Variants in VTI1A observed in about 807,000 individuals in gnomAD.
VTI1A encodes vesicle transport through interaction with t-SNAREs 1A, also known as vesicle transport through interaction with t-SNAREs homolog 1A.
A neutral mutation model predicts 34.9 loss-of-function variants in VTI1A; 22 were observed. The ratio of observed to expected loss-of-function variants is 0.63; its 90% confidence interval spans 0.45 to 0.90. The LOEUF (loss-of-function observed/expected upper bound fraction) is 0.90. Among genes scored for constraint, VTI1A ranks in the 40% least tolerant of loss-of-function variants. VTI1A has a pLI of 0.00. For missense variants in VTI1A, 268 were observed against 275.6 expected, an observed-to-expected ratio of 0.97 and a Z score of 0.20; for synonymous variants, 87 against 97.3, an observed-to-expected ratio of 0.89 and a Z score of 0.62.
chr10:112,646,481 T>A (rs1846788554), intron 5 of VTI1A, among the ~76,000 whole-genome samples: 1 of 151,514 alleles, frequency 6.6e-6, no homozygotes, highest in South Asian at 2.1e-4. Context: ...GAATTGTGGG[T>A]GACCTGCAAG....
intron 7 of VTI1A, among the ~76,000 whole-genome samples, chr10:112,805,335 TA>T (rs1853036412): frequency 6.6e-6 from 1 of 152,190 alleles, no homozygotes; most frequent in South Asian, 2.1e-4. Context: ...CATTCAAAAT[TA>T]TACAACTCAG....
chr10:112,532,211 G>A (rs978872213), intron 4 of VTI1A, among the ~76,000 whole-genome samples: 1 of 152,174 alleles, frequency 6.6e-6, no homozygotes, highest in East Asian at 1.9e-4. Context: ...GACAAAAACA[G>A]CGTTAAGCAT....
the VTI1A span, among the ~76,000 whole-genome samples, chr10:112,829,399 G>A: frequency 2.7e-5 from 4 of 147,646 alleles, no homozygotes; most frequent in Non-Finnish European, 4.4e-5. Flanking sequence ...AGCCCAGACC[G>A]CGCCACTGCA....
At chr10:112,754,114 A>G (rs1370202089) in intron 7 of VTI1A, among the ~76,000 whole-genome samples, 1 of 152,204 alleles carries the variant, frequency 6.6e-6, no homozygotes, top group Non-Finnish European at 1.5e-5. Context: ...AAACTTTGGG[A>G]AAATGTTAAG....
chr10:112,702,592 T>C (rs1849047801), intron 7 of VTI1A, among the ~76,000 whole-genome samples: 1 of 151,060 alleles, frequency 6.6e-6, no homozygotes, highest in Non-Finnish European at 1.5e-5. Flanking sequence ...GCTAATTTAT[T>C]TTTTATTTCT....
At chr10:112,682,943 A>AAT (rs1848271113) in intron 7 of VTI1A, among the ~76,000 whole-genome samples, 2 of 152,210 alleles carry the variant, frequency 1.3e-5, no homozygotes, top group Non-Finnish European at 2.9e-5. Context: ...ACACACATAA[A>AAT]AAGTTCCTCT....
At chr10:112,622,009 CAGAG>C (rs371587005) in intron 5 of VTI1A, among the ~76,000 whole-genome samples, 6 of 150,478 alleles carry the variant, frequency 4.0e-5, no homozygotes, top group East Asian at 3.9e-4. Context: ...AAGAAGGAGA[CAGAG>C]AGAGAGAGAG....
chr10:112,815,303 C>T lies in VTI1A; in HGVS notation c.574C>T (p.Arg192Cys), dbSNP rs1384690182. 5.0e-6 allele frequency: 8 copies of T among 1,613,682 alleles called. No homozygotes were observed. Among genetic ancestry groups the T allele is most frequent in the South Asian group, 1.1e-5 (1 of 91,046 alleles). The change falls in exon 8 of 8, where the codon CGC becomes TGC. Residue 192 changes from arginine to cysteine, a missense_variant. Transcript: ENST00000393077. ...GCTGTCTCCTAGAATCATCCAGAAC[C>T]GCATCCTGCTCGTCATCCTAGGGAT... ...TGMLRRIIQN[R>C]ILLVILGIIV...
chr10:112,845,282 GAC>G, the VTI1A span, among the ~76,000 whole-genome samples: 1 of 152,204 alleles, frequency 6.6e-6, no homozygotes, highest in African/African-American at 2.4e-5. Context: ...CGGCCAGGCA[GAC>G]ACAGAGCATG....
In VTI1A at chr10:112,466,596, A is replaced by C. The variant is rs186159807; in HGVS notation, c.264+1939A>C. On this transcript the variant is annotated intron_variant, in intron 3 of 7. Coordinates refer to ENST00000393077, the MANE Select transcript of VTI1A (RefSeq NM_145206.4). Reference sequence around the variant, plus strand: ...ATTAAGAACTTGACAACTCAAATTTATACTGAGAAAATTCTACCTGAAGTT... The same window carrying C: ...ATTAAGAACTTGACAACTCAAATTTCTACTGAGAAAATTCTACCTGAAGTT... Among the ~76,000 whole-genome samples the C allele has an allele frequency of 1.5e-4, 23 of 152,340 alleles. No individual in the cohort carries two copies. In the East Asian group the frequency reaches 2.5e-3, roughly 17 times the overall value.
At chr10:112,830,849 A>ATATATATATATATATTTTTTT in the VTI1A span, among the ~76,000 whole-genome samples, 35 of 33,490 alleles carry the variant, frequency 1.0e-3, no homozygotes, top group Admixed American at 1.4e-3. Flanking sequence ...ATATATATAT[A>ATATATATATATATATTTTTTT]TTTTTTTTTT....
rs561362598 is a variant in VTI1A, at chr10:112,672,388, ACT to A, written c.560+3392_560+3393del. On this transcript the variant is annotated intron_variant, in intron 7 of 7. Coordinates refer to ENST00000393077, the MANE Select transcript of VTI1A (RefSeq NM_145206.4). ...GTTCATTCAAAATTATAATAGTAAA[ACT>A]CGACATCAGAACACAGCTCTGGCTG... 3.2e-3 allele frequency among the ~76,000 whole-genome samples: 486 copies of A among 152,266 alleles called. 1 individual carries two copies. The highest frequency in any genetic ancestry group is 0.01 in the African/African-American group (426 of 41,550).
At chr10:112,460,702 T>A in intron 2 of VTI1A, 120 bp downstream of exon 2, 1 of 709,884 alleles carries the variant, frequency 1.4e-6, no homozygotes, top group Non-Finnish European at 2.1e-6. Context: ...ATTTTATAAT[T>A]CAGAATTTGT....
At chr10:112,708,144 G>A (rs141051049) in intron 7 of VTI1A, among the ~76,000 whole-genome samples, 20 of 152,328 alleles carry the variant, frequency 1.3e-4, no homozygotes, top group African/African-American at 4.6e-4. Context: ...CAGTGGGCCT[G>A]TCCTTCCACT....
chr10:112,820,246 TA>T (rs1278791323), downstream of VTI1A, among the ~76,000 whole-genome samples: 1 of 152,076 alleles, frequency 6.6e-6, no homozygotes, highest in Non-Finnish European at 1.5e-5. Flanking sequence ...ACAGAAAAGG[TA>T]CCAAGAGCCA....
At chr10:112,455,529 T>C (rs1847483157) in intron 1 of VTI1A, among the ~76,000 whole-genome samples, 1 of 96,590 alleles carries the variant, frequency 1.0e-5, no homozygotes, top group Non-Finnish European at 2.1e-5. Flanking sequence ...CCTTCCTTTG[T>C]TCCTTCCCTT....
At chr10:112,787,435 T>G (rs1282918808) in intron 7 of VTI1A, among the ~76,000 whole-genome samples, 2 of 152,122 alleles carry the variant, frequency 1.3e-5, no homozygotes, top group African/African-American at 4.8e-5. Flanking sequence ...TTGCTTGTGT[T>G]GGGCTTAATT....
At chr10:112,538,185 G>T in intron 4 of VTI1A, 61 bp from the exon 5 acceptor site, 4 of 1,475,824 alleles carry the variant, frequency 2.7e-6, no homozygotes, top group Middle Eastern at 1.8e-4. Flanking sequence ...TTTTTTTAAG[G>T]CAAAAAAAAG....
intron 3 of VTI1A, among the ~76,000 whole-genome samples, chr10:112,515,046 T>A (rs1347179843): frequency 6.6e-6 from 1 of 152,052 alleles, no homozygotes; most frequent in Non-Finnish European, 1.5e-5. Context: ...ATGTAAATAT[T>A]TACATTTGAA....
Sources: allele counts gnomAD v4.1 joint callset (sites outside exome capture counted in the v4.1 genomes callset), GRCh38; gene constraint gnomAD v4.1.1; transcripts MANE v1.5; gene names NCBI Gene and HGNC (gene_info 2026-07-23, HGNC 2026-07-21).